The following RIT2 variants were observed in gnomAD, a reference collection of about 807,000 sequenced individuals.
The protein encoded by RIT2 is GTP-binding protein Rit2.
Under a neutral mutation model 23.7 loss-of-function variants are expected in RIT2, and 24 were observed. That is an observed-to-expected ratio of 1.01 (90% CI 0.73 to 1.43). The LOEUF is 1.43. Among genes scored for constraint, RIT2 ranks in the 40% most tolerant of loss-of-function variants. The pLI, the probability that RIT2 is intolerant of heterozygous loss-of-function variation, is 0.00. For synonymous variants in RIT2, 107 were observed against 91.1 expected (o/e 1.17, Z -0.99); for missense variants, 236 against 266.9 (o/e 0.88, Z 0.81).
At chr18:43,007,723 A>G (rs543961194) in intron 2 of RIT2, among the ~76,000 whole-genome samples, 2 of 151,838 alleles carry the variant, frequency 1.3e-5, no homozygotes, top group East Asian at 3.9e-4. Context: ...TTTGTCTACA[A>G]ATTCACAATA....
chr18:42,879,511 A>T (rs926621638), intron 4 of RIT2, among the ~76,000 whole-genome samples: 4 of 151,936 alleles, frequency 2.6e-5, no homozygotes, highest in African/African-American at 9.7e-5. Flanking sequence ...GATCACTTGC[A>T]TATCACCTGA....
At chr18:42,836,946 C>T (rs1906621344) in intron 4 of RIT2, among the ~76,000 whole-genome samples, 1 of 151,984 alleles carries the variant, frequency 6.6e-6, no homozygotes, top group Admixed American at 6.6e-5. Flanking sequence ...ATCAGACAGA[C>T]ACACTGGGTT....
At chr18:43,088,354 T>C (rs1913335365) in intron 1 of RIT2, among the ~76,000 whole-genome samples, 1 of 152,194 alleles carries the variant, frequency 6.6e-6, no homozygotes, top group South Asian at 2.1e-4. Context: ...ATACATTGTA[T>C]TTTATGAATA....
intron 1 of RIT2, among the ~76,000 whole-genome samples, chr18:43,058,275 T>A (rs1912557312): frequency 6.6e-6 from 1 of 152,102 alleles, no homozygotes; most frequent in Admixed American, 6.6e-5. Context: ...GAAAGGATGA[T>A]CAAGTAAGTG....
intron 4 of RIT2, among the ~76,000 whole-genome samples, chr18:42,914,414 A>G (rs1007833303): frequency 2.0e-5 from 3 of 152,126 alleles, no homozygotes; most frequent in African/African-American, 7.2e-5. Flanking sequence ...AAGGGTGAAT[A>G]AACAAATTGT....
At chr18:42,761,334 C>T (rs528110066) in intron 4 of RIT2, among the ~76,000 whole-genome samples, 2 of 152,252 alleles carry the variant, frequency 1.3e-5, no homozygotes, top group South Asian at 4.1e-4. Flanking sequence ...ATCTCTGAGA[C>T]TAGGTATAAT....
chr18:43,112,732 C>G (rs1182803465), intron 1 of RIT2, among the ~76,000 whole-genome samples: 1 of 151,848 alleles, frequency 6.6e-6, no homozygotes, highest in African/African-American at 2.4e-5. Flanking sequence ...AGTGAGAGCC[C>G]ATCTCTACAA....
At chr18:42,791,139 G>A (rs146931379) in intron 4 of RIT2, among the ~76,000 whole-genome samples, 2,904 of 152,210 alleles carry the variant, frequency 0.019, 42 homozygotes, top group Non-Finnish European at 0.03. Flanking sequence ...CTGTAGGATC[G>A]CCAAGTTATT....
In RIT2 at chr18:42,756,070, G is replaced by A. The variant is rs554260921; in HGVS notation, c.427-12350C>T. Among the ~76,000 whole-genome samples the A allele has an allele frequency of 1.3e-3, 194 of 152,244 alleles. No homozygotes were observed. In the Middle Eastern group the frequency reaches 0.014, roughly 11 times the overall value. On this transcript the variant is annotated intron_variant, in intron 4 of 4. Coordinates refer to ENST00000326695, the MANE Select transcript of RIT2 (RefSeq NM_002930.4). Reference sequence around the variant, plus strand: ...TGGTGCTTTTGTGGGATCATCAGTAGTTAATATGGTTTAGACCAGAGCACA... The same window carrying A: ...TGGTGCTTTTGTGGGATCATCAGTAATTAATATGGTTTAGACCAGAGCACA...
At chr18:42,881,578 G>A (rs1260950248) in intron 4 of RIT2, among the ~76,000 whole-genome samples, 1 of 152,096 alleles carries the variant, frequency 6.6e-6, no homozygotes, top group Non-Finnish European at 1.5e-5. Context: ...AGGTGTTGTA[G>A]CAAATGACTT....
chr18:42,985,893 C>T (rs1373749703), intron 2 of RIT2, among the ~76,000 whole-genome samples: 1 of 151,880 alleles, frequency 6.6e-6, no homozygotes, highest in Non-Finnish European at 1.5e-5. Flanking sequence ...AGTTGGAATA[C>T]ATTTATAAAA....
chr18:42,906,594 A>G (rs1908628124), intron 4 of RIT2, among the ~76,000 whole-genome samples: 1 of 152,180 alleles, frequency 6.6e-6, no homozygotes, highest in African/African-American at 2.4e-5. Flanking sequence ...ATTCTAAGAG[A>G]AAAGCCACCT....
chr18:42,817,972 A>T (rs983677946), intron 4 of RIT2, among the ~76,000 whole-genome samples: 2 of 151,966 alleles, frequency 1.3e-5, no homozygotes, highest in African/African-American at 4.8e-5. Context: ...TAATATACAG[A>T]TTTATTTAAA....
intron 4 of RIT2, among the ~76,000 whole-genome samples, chr18:42,835,185 T>C (rs1387044991): frequency 1.3e-5 from 2 of 152,142 alleles, no homozygotes; most frequent in African/African-American, 2.4e-5. Context: ...TAGTTAATAA[T>C]AGTATATTGT....
At chr18:42,838,306 T>C (rs1483339223) in intron 4 of RIT2, among the ~76,000 whole-genome samples, 1 of 151,650 alleles carries the variant, frequency 6.6e-6, no homozygotes, top group Non-Finnish European at 1.5e-5. Flanking sequence ...TTCAGTCTTT[T>C]TGTAAATACT....
intron 1 of RIT2, among the ~76,000 whole-genome samples, chr18:43,040,481 C>T (rs2144293428): frequency 6.6e-6 from 1 of 152,238 alleles, no homozygotes; most frequent in South Asian, 2.1e-4. Flanking sequence ...CCCAGATCCT[C>T]TCATCAAGTG....
At chr18:43,013,080 C>T (rs1911387990) in intron 2 of RIT2, among the ~76,000 whole-genome samples, 1 of 151,710 alleles carries the variant, frequency 6.6e-6, no homozygotes, top group Non-Finnish European at 1.5e-5. Flanking sequence ...CAGAACAAAT[C>T]CTCTCCCTAA....
chr18:42,746,919 A>G (rs909729796), intron 4 of RIT2, among the ~76,000 whole-genome samples: 16 of 152,226 alleles, frequency 1.1e-4, no homozygotes, highest in East Asian at 1.9e-4. Context: ...AATAAAAGCT[A>G]TCTATTACAA....
chr18:42,877,115 A>T (rs1167153922), intron 4 of RIT2, among the ~76,000 whole-genome samples: 2 of 151,886 alleles, frequency 1.3e-5, no homozygotes, highest in Non-Finnish European at 2.9e-5. Context: ...AATTTCTGTG[A>T]CAGACACTGA....
Sources: gnomAD v4.1 joint callset for allele counts (sites outside exome capture counted in the v4.1 genomes callset) on GRCh38, gnomAD v4.1.1 for gene constraint, MANE v1.5 for transcripts, NCBI Gene and HGNC (gene_info 2026-07-23, HGNC 2026-07-21) for gene names.